SLC38A11: variants seen among roughly 807,000 people sequenced by gnomAD.
SLC38A11 encodes putative sodium-coupled neutral amino acid transporter 11.
In SLC38A11, 51 loss-of-function variants were observed where a neutral mutation model predicts 49.4. The observed-to-expected ratio is 1.03, with a 90% CI of 0.83 to 1.30. The LOEUF is 1.30. Ranked by LOEUF, SLC38A11 falls within the 50% of genes most tolerant of loss-of-function variation. The pLI, the probability that SLC38A11 is intolerant of heterozygous loss-of-function variation, is 0.00. For missense variants in SLC38A11, 574 were observed against 556.2 expected (o/e 1.03, Z -0.32); for synonymous variants, 203 against 192.9 (o/e 1.05, Z -0.43).
chr2:164,934,994 C>T (rs896685340), intron 7 of SLC38A11, among the ~76,000 whole-genome samples: 1 of 152,042 alleles, frequency 6.6e-6, no homozygotes, highest in Non-Finnish European at 1.5e-5. Flanking sequence ...GACTCATACC[C>T]TCTATGTATC....
chr2:164,916,042 G>T (rs1288675536), intron 7 of SLC38A11, 69 bp from the exon 8 acceptor site: 3 of 1,063,326 alleles, frequency 2.8e-6, no homozygotes, highest in Non-Finnish European at 4.3e-6. Context: ...CAGATAACAA[G>T]AAATGGTATC....
At chr2:164,926,972 C>T (rs1025329443) in intron 7 of SLC38A11, among the ~76,000 whole-genome samples, 2 of 151,634 alleles carry the variant, frequency 1.3e-5, no homozygotes, top group African/African-American at 4.8e-5. Flanking sequence ...TGTAACAAAC[C>T]TGCACGTTGT....
chr2:164,953,505 G>C (rs1034315110), intron 2 of SLC38A11, among the ~76,000 whole-genome samples: 9 of 152,130 alleles, frequency 5.9e-5, no homozygotes, highest in African/African-American at 2.2e-4. Context: ...TTCACATCAG[G>C]AATTAGCTCT....
chr2:164,949,742 A>T (rs1688391620), intron 3 of SLC38A11, among the ~76,000 whole-genome samples: 1 of 152,230 alleles, frequency 6.6e-6, no homozygotes, highest in African/African-American at 2.4e-5. Flanking sequence ...ATCAATGGGA[A>T]GATGGTGTGA....
intron 11 of SLC38A11, among the ~76,000 whole-genome samples, chr2:164,902,039 T>C (rs574725937): frequency 6.6e-6 from 1 of 150,926 alleles, no homozygotes; most frequent in African/African-American, 2.4e-5. Flanking sequence ...CTCTCTTTTT[T>C]TTTTTTTTTT....
rs2105438911 is a variant in SLC38A11, at chr2:164,898,711, G to A, written c.1115C>T (p.Pro372Leu). 1 of 1,613,026 alleles carries A rather than the reference G, an allele frequency of 6.2e-7. No individual in the cohort carries two copies. Among genetic ancestry groups the A allele is most frequent in the Non-Finnish European group, 8.5e-7 (1 of 1,179,452 alleles). ...LELNGVLCAT[P>L]LIFIIPSACY... is the part of the protein sequence containing the mutation. ...GGCTGATGGAATGATAAAAATGAGG[G>A]GAGTTGCACAGAGCACACCCTGCAT... The change falls in exon 12 of 12, where the codon CCC (proline) becomes CTC (leucine). Residue 372 changes from proline (P) to leucine (L), a missense_variant. By Grantham distance (98) the Pro-to-Leu change is moderately conservative (BLOSUM62 -3). Coordinates refer to ENST00000685975, the MANE Select transcript of SLC38A11 (RefSeq NM_001351537.2).
intron 3 of SLC38A11, among the ~76,000 whole-genome samples, chr2:164,947,131 T>TTTTTTTTTTTTTTTTTTTTTG (rs1688176225): frequency 1.5e-5 from 1 of 66,408 alleles, no homozygotes; most frequent in Non-Finnish European, 3.6e-5. Context: ...TTTTTTTTTT[T>TTTTTTTTTTTTTTTTTTTTTG]TTTTTTTTTT....
At chr2:164,937,509 A>G in intron 6 of SLC38A11, 80 bp from the exon 7 acceptor site, 1 of 953,020 alleles carries the variant, frequency 1.0e-6, no homozygotes, top group East Asian at 2.5e-5. Context: ...TCTCATTTTT[A>G]ATTGGGTAAA....
At chr2:164,900,038 A>T (rs1475894740) in intron 11 of SLC38A11, among the ~76,000 whole-genome samples, 2 of 152,124 alleles carry the variant, frequency 1.3e-5, no homozygotes, top group Non-Finnish European at 2.9e-5. Context: ...CATATATAAG[A>T]GAGATCATGT....
chr2:164,954,045 A>G (rs1688691261), intron 2 of SLC38A11, among the ~76,000 whole-genome samples: 1 of 152,134 alleles, frequency 6.6e-6, no homozygotes, highest in South Asian at 2.1e-4. Flanking sequence ...TTAGGAAAAT[A>G]ATACGCATTT....
intron 4 of SLC38A11, 22 bp from the exon 5 acceptor site, chr2:164,944,656 G>A: frequency 9.8e-7 from 1 of 1,024,930 alleles, no homozygotes; most frequent in Non-Finnish European, 1.3e-6. Context: ...ATTAAAATAA[G>A]AGTCATCAAT....
chr2:164,915,882 C>T (rs1280610582), intron 8 of SLC38A11, 21 bp downstream of exon 8: 1 of 1,573,546 alleles, frequency 6.4e-7, no homozygotes, highest in Non-Finnish European at 8.7e-7. Flanking sequence ...TGAGAAAGGG[C>T]CTTTGAAACC....
rs1176957356 is a variant in SLC38A11 at position 164,908,707 on chromosome 2, A to G, written c.1028T>C (p.Met343Thr). 4 of 1,611,848 alleles carry G rather than the reference A, an allele frequency of 2.5e-6. No homozygotes were observed. Among genetic ancestry groups the G allele is most frequent in the Admixed American group, 1.7e-5 (1 of 59,744 alleles). ...CACAAGCGTGGCTACAGTGATGACC[A>G]TCACTGTTACAACAATGTGGAAAAC... ...SSVFHIVVTV[M>T]VITVATLVSL... The change falls in exon 11 of 12, where the codon ATG becomes ACG. Residue 343 changes from methionine (M) to threonine (T), a missense_variant. By Grantham distance (81) the Met-to-Thr change is moderately conservative. Coordinates refer to ENST00000685975, the MANE Select transcript of SLC38A11 (RefSeq NM_001351537.2).
chr2:164,905,559 C>T (rs1016984539), intron 11 of SLC38A11, among the ~76,000 whole-genome samples: 19 of 151,980 alleles, frequency 1.3e-4, no homozygotes, highest in African/African-American at 4.6e-4. Flanking sequence ...GGTAAGTGTC[C>T]ACACAAAAAG....
intron 5 of SLC38A11, 149 bp from the exon 6 acceptor site, chr2:164,939,705 C>T (rs1687620117): frequency 2.3e-6 from 1 of 441,940 alleles, no homozygotes; most frequent in Non-Finnish European, 4.0e-6. Flanking sequence ...TCCATAAAAA[C>T]ATATAAACAT....
intron 7 of SLC38A11, among the ~76,000 whole-genome samples, chr2:164,930,323 ACAAAGAAGAG>A (rs1686906384): frequency 6.6e-6 from 1 of 152,090 alleles, no homozygotes; most frequent in Non-Finnish European, 1.5e-5. Context: ...CACCAGATGT[ACAAAGAAGAG>A]CTGGTACATT....
At chr2:164,926,069 T>C (rs569901313) in intron 7 of SLC38A11, among the ~76,000 whole-genome samples, 1 of 152,318 alleles carries the variant, frequency 6.6e-6, no homozygotes, top group South Asian at 2.1e-4. Flanking sequence ...CTTATCCTTA[T>C]ATCATTTCCA....
chr2:164,912,670 T>A (rs1368619089), intron 9 of SLC38A11, among the ~76,000 whole-genome samples: 1 of 151,988 alleles, frequency 6.6e-6, no homozygotes, highest in Non-Finnish European at 1.5e-5. Flanking sequence ...CAAGTGTAAA[T>A]GCACTGATTC....
rs765572811 is a variant in SLC38A11 at position 164,937,377 on chromosome 2, G to T, written c.590C>A (p.Ala197Glu). The change falls in exon 7 of 12, where the codon GCA (alanine) becomes GAA (glutamate). Residue 197 changes from alanine to glutamate, a missense_variant. Transcript: ENST00000685975. The part of the protein sequence containing the change: ...LTTLILGIVM[A>E]RAISLGPHIP... ...GTGTGGACCCAGTGAAATTGCCCTT[G>T]CCATTACAATTCCAAGAATCAGAGT... 5.6e-6 allele frequency: 9 copies of T among 1,611,540 alleles called. No homozygotes were observed. The East Asian group carries it at 2.0e-4, about 36-fold the overall frequency.
Sources: gnomAD v4.1 joint callset for allele counts (sites outside exome capture counted in the v4.1 genomes callset) on GRCh38, gnomAD v4.1.1 for gene constraint, MANE v1.5 for transcripts, NCBI Gene and HGNC (gene_info 2026-07-23, HGNC 2026-07-21) for gene names.